GNA14: variants seen among roughly 807,000 people sequenced by gnomAD.
The protein encoded by GNA14 is G protein subunit alpha 14.
In GNA14, 50 loss-of-function variants were observed where a neutral mutation model predicts 42.0. The observed-to-expected ratio is 1.19, with a 90% CI of 0.95 to 1.51. The LOEUF is 1.51. Among genes scored for constraint, GNA14 ranks in the 40% most tolerant of loss-of-function variants. The pLI, the probability that GNA14 is intolerant of heterozygous loss-of-function variation, is 0.00. For missense variants in GNA14, 473 were observed against 446.2 expected (o/e 1.06, Z -0.54); for synonymous variants, 173 against 163.1 (o/e 1.06, Z -0.46).
At chr9:77,540,429 G>A (rs139596970) in intron 1 of GNA14, among the ~76,000 whole-genome samples, 2,795 of 152,202 alleles carry the variant, frequency 0.018, 82 homozygotes, top group African/African-American at 0.063. Flanking sequence ...GTGCTGATAA[G>A]AAGAATGTAT....
chr9:77,451,263 G>A (rs1452329533), intron 2 of GNA14, among the ~76,000 whole-genome samples: 3 of 152,104 alleles, frequency 2.0e-5, no homozygotes, highest in Admixed American at 6.5e-5. Context: ...AGGGGAGGTG[G>A]GGGTGGTCTT....
chr9:77,439,093 G>A (rs1835685598), intron 2 of GNA14, among the ~76,000 whole-genome samples: 1 of 152,122 alleles, frequency 6.6e-6, no homozygotes, highest in South Asian at 2.1e-4. Flanking sequence ...GGTCAGAGAA[G>A]TCATTTTTGT....
At chr9:77,570,203 C>T (rs1225229144) in intron 1 of GNA14, among the ~76,000 whole-genome samples, 2 of 152,070 alleles carry the variant, frequency 1.3e-5, no homozygotes, top group Admixed American at 6.5e-5. Flanking sequence ...CACCATTTCC[C>T]CCAATTTTAA....
intron 2 of GNA14, among the ~76,000 whole-genome samples, chr9:77,467,609 T>G (rs968880787): frequency 3.3e-5 from 5 of 150,656 alleles, no homozygotes; most frequent in African/African-American, 7.4e-5. Context: ...TCATGCTGCT[T>G]TCCAATAAAG....
At chr9:77,492,765 GC>G (rs1383130443) in intron 2 of GNA14, among the ~76,000 whole-genome samples, 1 of 151,866 alleles carries the variant, frequency 6.6e-6, no homozygotes, top group Non-Finnish European at 1.5e-5. Context: ...ACTTTGGGAG[GC>G]CAAGGCAGGC....
intron 1 of GNA14, among the ~76,000 whole-genome samples, chr9:77,596,939 CACCTT>C (rs1459715534): frequency 1.3e-5 from 2 of 152,184 alleles, no homozygotes; most frequent in Non-Finnish European, 2.9e-5. Flanking sequence ...AACCAGTGTT[CACCTT>C]ACATTTGTTG....
At chr9:77,535,387 AC>A (rs371681897) in intron 1 of GNA14, among the ~76,000 whole-genome samples, 2,028 of 152,274 alleles carry the variant, frequency 0.013, 60 homozygotes, top group African/African-American at 0.045. Context: ...TACTAAAAAT[AC>A]AAAAAATTAG....
intron 1 of GNA14, among the ~76,000 whole-genome samples, chr9:77,640,046 T>C (rs377213885): frequency 9.2e-5 from 14 of 152,210 alleles, no homozygotes; most frequent in East Asian, 3.9e-4. Flanking sequence ...ATGTCCATGA[T>C]ACATGTCCCC....
chr9:77,452,680 C>T (rs1349991273), intron 2 of GNA14, among the ~76,000 whole-genome samples: 2 of 1,970 alleles, frequency 1.0e-3, no homozygotes, highest in East Asian at 0.021. Context: ...TACATGTACC[C>T]CTTAGGGCAG....
At chr9:77,459,930 T>G (rs1481115633) in intron 2 of GNA14, among the ~76,000 whole-genome samples, 1 of 152,142 alleles carries the variant, frequency 6.6e-6, no homozygotes, top group Non-Finnish European at 1.5e-5. Context: ...GGAGACTGGT[T>G]TGTGTCCTTG....
intron 2 of GNA14, among the ~76,000 whole-genome samples, chr9:77,520,108 A>T (rs1162503): frequency 0.63 from 96,086 of 151,708 alleles, 34,463 homozygotes; most frequent in East Asian, 0.88. Flanking sequence ...TATTTTTTTT[A>T]AAACTTTTAA....
chr9:77,468,232 C>G (rs1259643482), intron 2 of GNA14, among the ~76,000 whole-genome samples: 1 of 152,212 alleles, frequency 6.6e-6, no homozygotes, highest in Non-Finnish European at 1.5e-5. Flanking sequence ...TCTTAATGCT[C>G]TTACTGGCAT....
intron 1 of GNA14, among the ~76,000 whole-genome samples, chr9:77,577,720 T>C (rs1823150588): frequency 6.6e-6 from 1 of 152,206 alleles, no homozygotes; most frequent in African/African-American, 2.4e-5. Flanking sequence ...ATGAGGGCTC[T>C]GTAGAATCGA....
chr9:77,581,849 A>G (rs115093797), intron 1 of GNA14, among the ~76,000 whole-genome samples: 2,843 of 152,246 alleles, frequency 0.019, 79 homozygotes, highest in African/African-American at 0.064. Flanking sequence ...GCCACCTTAA[A>G]TAAATACAGG....
chr9:77,494,045 C>T (rs1357802815), intron 2 of GNA14, among the ~76,000 whole-genome samples: 1 of 152,094 alleles, frequency 6.6e-6, no homozygotes, highest in East Asian at 1.9e-4. Context: ...CTCAGCCTCC[C>T]AAGTAGCTTG....
At position 77,485,605 on chromosome 9, in the gene GNA14, T is replaced by C. The variant is rs956588260; in HGVS notation, c.309+43464A>G. Among the ~76,000 whole-genome samples the C allele has an allele frequency of 3.9e-5, 6 of 152,202 alleles. No homozygotes were observed. In the South Asian group the frequency reaches 8.3e-4, roughly 21 times the overall value. On this transcript the variant is annotated intron_variant, in intron 2 of 6. Coordinates refer to ENST00000341700, the MANE Select transcript of GNA14 (RefSeq NM_004297.4). The stretch of plus-strand genomic sequence containing the variant: ...GAGAAGTCACTATCTATGACAGCTA[T>C]AGCCTTAAAAAATGCATTTTGTAAA...
chr9:77,540,516 T>C (rs1178153179), intron 1 of GNA14, among the ~76,000 whole-genome samples: 1 of 152,130 alleles, frequency 6.6e-6, no homozygotes, highest in Middle Eastern at 3.2e-3. Context: ...TTGAATCCAA[T>C]GTTTCTTTGT....
intron 2 of GNA14, among the ~76,000 whole-genome samples, chr9:77,474,933 T>A (rs1349995777): frequency 6.6e-6 from 1 of 152,050 alleles, no homozygotes. Context: ...TTATATGAAA[T>A]GTCCAGAATG....
chr9:77,429,180 G>T, intron 4 of GNA14, 144 bp from the exon 5 acceptor site: 1 of 731,566 alleles, frequency 1.4e-6, no homozygotes, highest in Non-Finnish European at 2.3e-6. Context: ...GTTTTAAAAT[G>T]TTTGATGCTG....
Sources: gnomAD v4.1 joint callset for allele counts (sites outside exome capture counted in the v4.1 genomes callset) on GRCh38, gnomAD v4.1.1 for gene constraint, MANE v1.5 for transcripts, NCBI Gene and HGNC (gene_info 2026-07-23, HGNC 2026-07-21) for gene names.